The following FRMD4A variants were observed in gnomAD, a reference collection of about 807,000 sequenced individuals.
FRMD4A encodes FERM domain containing 4A.
Under a neutral mutation model 129.1 loss-of-function variants are expected in FRMD4A, and 29 were observed. That is an observed-to-expected ratio of 0.22 (90% CI 0.17 to 0.31). The LOEUF (loss-of-function observed/expected upper bound fraction) is 0.31, where lower values mean the gene tolerates loss of function less well. Ranked by LOEUF, FRMD4A falls within the 10% of genes least tolerant of loss-of-function variation. The pLI is 1.00. For missense variants in FRMD4A, 1,272 were observed against 1,375.8 expected (o/e 0.92, Z 1.19); for synonymous variants, 634 against 571.6 (o/e 1.11, Z -1.56).
chr10:13,780,332 A>G (rs2092703004), intron 6 of FRMD4A, among the ~76,000 whole-genome samples: 1 of 151,898 alleles, frequency 6.6e-6, no homozygotes, highest in Non-Finnish European at 1.5e-5. Context: ...GTCTCAAAAA[A>G]AAAAAAAATG....
intron 2 of FRMD4A, among the ~76,000 whole-genome samples, chr10:13,966,926 G>T (rs890584266): frequency 6.6e-6 from 1 of 152,226 alleles, no homozygotes; most frequent in African/African-American, 2.4e-5. Context: ...CATTCTCAGC[G>T]ATCTGGATGA....
intron 2 of FRMD4A, among the ~76,000 whole-genome samples, chr10:14,147,625 C>G (rs1292566797): frequency 6.6e-6 from 1 of 152,094 alleles, no homozygotes; most frequent in Non-Finnish European, 1.5e-5. Flanking sequence ...GAACGTGCGA[C>G]CTAGATCCCT....
intron 2 of FRMD4A, among the ~76,000 whole-genome samples, chr10:13,864,810 C>T (rs2094343847): frequency 6.6e-6 from 1 of 152,096 alleles, no homozygotes; most frequent in South Asian, 2.1e-4. Flanking sequence ...CTCCTGACCT[C>T]AGGTGATCCA....
intron 2 of FRMD4A, among the ~76,000 whole-genome samples, chr10:13,875,785 G>GT (rs1191999482): frequency 6.6e-6 from 1 of 152,150 alleles, no homozygotes; most frequent in African/African-American, 2.4e-5. Flanking sequence ...TAGTGGTAGC[G>GT]TGACCATACA....
intron 3 of FRMD4A, among the ~76,000 whole-genome samples, chr10:13,840,019 G>A (rs2093937762): frequency 6.6e-6 from 1 of 152,218 alleles, no homozygotes; most frequent in East Asian, 1.9e-4. Flanking sequence ...ATGCTCTGTG[G>A]TGGGTGGCTT....
In FRMD4A at chr10:13,660,517, T is replaced by C. The variant is rs2082554688; in HGVS notation, c.1697A>G (p.His566Arg). 1 of 1,613,012 alleles carries C rather than the reference T, an allele frequency of 6.2e-7. No individual in the cohort carries two copies. Among genetic ancestry groups the C allele is most frequent in the East Asian group, 2.2e-5 (1 of 44,864 alleles). Residue 566 changes from histidine (H) to arginine (R), a missense_variant, in exon 20 of 25, where the codon CAT (histidine) becomes CGT (arginine). This residue lies in a region of FRMD4A where 972 missense variants were observed against 892.3 expected (regional missense o/e 1.09). Transcript: ENST00000357447. The stretch of plus-strand genomic sequence containing the variant: ...AGGAGGGAGTCCCTTGTGAGGAGAA[T>C]GTAGGGGGGATATTGTGCTGGTAAC... ...SQVTSTISPL[H>R]SPHKGLPPRP...
intron 4 of FRMD4A, among the ~76,000 whole-genome samples, chr10:13,810,555 C>T (rs2093427649): frequency 6.6e-6 from 1 of 152,122 alleles, no homozygotes; most frequent in Non-Finnish European, 1.5e-5. Flanking sequence ...ACATTTCAGT[C>T]TGAACACAAA....
intron 2 of FRMD4A, among the ~76,000 whole-genome samples, chr10:14,042,945 A>G (rs892484011): frequency 3.2e-4 from 48 of 151,576 alleles, no homozygotes; most frequent in African/African-American, 1.2e-3. Context: ...AAAAAAAAAA[A>G]AAAAGAAATT....
chr10:13,832,725 CA>C (rs1188184713), intron 3 of FRMD4A, among the ~76,000 whole-genome samples: 6 of 152,118 alleles, frequency 3.9e-5, no homozygotes, highest in Non-Finnish European at 8.8e-5. Flanking sequence ...GCCTGCAGGC[CA>C]GGGGGTAGGT....
At chr10:14,163,897 C>T (rs1221757513) in intron 2 of FRMD4A, among the ~76,000 whole-genome samples, 1 of 152,184 alleles carries the variant, frequency 6.6e-6, no homozygotes, top group Non-Finnish European at 1.5e-5. Flanking sequence ...GGGGCCTCTC[C>T]GAGGTCTTTT....
chr10:14,149,016 C>T (rs1271808942), intron 2 of FRMD4A, among the ~76,000 whole-genome samples: 1 of 152,114 alleles, frequency 6.6e-6, no homozygotes, highest in Non-Finnish European at 1.5e-5. Flanking sequence ...ACCTAATTTA[C>T]ACACCAGAGC....
At chr10:14,001,195 C>T (rs4293021) in intron 2 of FRMD4A, among the ~76,000 whole-genome samples, 38,355 of 152,098 alleles carry the variant, frequency 0.25, 5,855 homozygotes, top group East Asian at 0.59. Flanking sequence ...ATACTGATGC[C>T]TGGATCCTAT....
rs561074121 is a variant in FRMD4A at position 13,935,412 on chromosome 10, C to A, written c.46-76500G>T. ...AAGATCATGCTATTGCACTATTGCA[C>A]TCTAGCCTGTGTGACAAGAGTGCAA... is the stretch of plus-strand genomic sequence containing the variant. On this transcript the variant is annotated intron_variant, in intron 2 of 24. Transcript: ENST00000357447. 4.9e-5 allele frequency among the ~76,000 whole-genome samples: 6 copies of A among 122,832 alleles called. No homozygotes were observed. The East Asian group carries it at 1.3e-3, about 26-fold the overall frequency. 80.6% of individuals were successfully genotyped at this position (122,832 alleles called of 152,430 possible). A position where few individuals can be genotyped will look rare whatever the true frequency, so the allele number is the denominator to read the frequency against.
At chr10:14,232,238 G>T (rs1843662165) in intron 2 of FRMD4A, among the ~76,000 whole-genome samples, 1 of 152,140 alleles carries the variant, frequency 6.6e-6, no homozygotes, top group Non-Finnish European at 1.5e-5. Context: ...TTGGATGGTT[G>T]TACATTTGCA....
At chr10:13,864,197 C>T (rs2141459) in intron 2 of FRMD4A, among the ~76,000 whole-genome samples, 151,831 of 151,954 alleles carry the variant, frequency 1, 75,855 homozygotes, top group Middle Eastern at 1. Context: ...GGTTTCACCA[C>T]GTTGGCCAGG....
At chr10:14,225,276 C>T (rs894567651) in intron 2 of FRMD4A, among the ~76,000 whole-genome samples, 3 of 152,314 alleles carry the variant, frequency 2.0e-5, no homozygotes, top group East Asian at 3.9e-4. Context: ...CCCCAACCCT[C>T]AATCCCAACC....
intron 2 of FRMD4A, among the ~76,000 whole-genome samples, chr10:14,247,272 T>C (rs1455114741): frequency 1.3e-5 from 2 of 152,102 alleles, no homozygotes; most frequent in East Asian, 1.9e-4. Context: ...CAACTAGAGA[T>C]AGACATTCAG....
intron 15 of FRMD4A, among the ~76,000 whole-genome samples, chr10:13,687,221 G>T (rs762879628): frequency 2.0e-5 from 3 of 152,118 alleles, no homozygotes; most frequent in Non-Finnish European, 4.4e-5. Flanking sequence ...CAGATAACCC[G>T]GGAGGAAGAG....
At position 13,654,465 on chromosome 10, in the gene FRMD4A, C is replaced by T. The variant is rs754984701; in HGVS notation, c.3001G>A (p.Gly1001Arg). Residue 1001 changes from glycine to arginine, a missense_variant, in exon 23 of 25, where the codon GGA becomes AGA. Transcript: ENST00000357447. ...TGGGGGCTGCTTGGGGGGGTGGCTC[C>T]AATTTCACTTGACGGTGTCGAGCTT... is the stretch of plus-strand genomic sequence containing the variant. ...QRSSTPSSEI[G>R]ATPPSSPHHI... is the part of the protein sequence containing the mutation. The T allele has an allele frequency of 6.2e-7, 1 of 1,613,942 alleles. No individual in the cohort carries two copies. Among genetic ancestry groups the T allele is most frequent in the East Asian group, 2.2e-5 (1 of 44,882 alleles).
Sources: gnomAD v4.1 joint callset for allele counts (sites outside exome capture counted in the v4.1 genomes callset) on GRCh38, gnomAD v4.1.1 for gene constraint, gnomAD v4.1.1 regional missense constraint, MANE v1.5 for transcripts, NCBI Gene and HGNC (gene_info 2026-07-23, HGNC 2026-07-21) for gene names.